TENM3: variants seen among roughly 807,000 people sequenced by gnomAD.
TENM3 encodes the protein teneurin transmembrane protein 3, also known as teneurin-3.
TENM3 carries 63 observed loss-of-function variants against 255.1 expected under a neutral mutation model. The observed-to-expected ratio is 0.25, with a 90% CI of 0.20 to 0.30. TENM3 has a LOEUF of 0.30. Among genes scored for constraint, TENM3 ranks in the 10% least tolerant of loss-of-function variants. TENM3 has a pLI of 1.00. For synonymous variants in TENM3, 1,306 were observed against 1,322.3 expected (o/e 0.99, Z 0.27); for missense variants, 2,929 against 3,461.1 (o/e 0.85, Z 3.86).
At chr4:182,242,619 G>T (rs574996086), upstream of TENM3, among the ~76,000 whole-genome samples, 1 of 152,040 alleles carries the variant, frequency 6.6e-6, no homozygotes, top group South Asian at 2.1e-4. Flanking sequence ...AAATTAACCC[G>T]ATGTGGTGGC....
chr4:182,427,577 A>G (rs1442555184), intron 3 of TENM3, among the ~76,000 whole-genome samples: 2 of 152,210 alleles, frequency 1.3e-5, no homozygotes, highest in Admixed American at 1.3e-4. Context: ...AAGAGATAAT[A>G]TATGTTCCCA....
At chr4:181,958,437 C>G in the TENM3 span, among the ~76,000 whole-genome samples, 209 of 152,168 alleles carry the variant, frequency 1.4e-3, no homozygotes, top group African/African-American at 4.8e-3. Context: ...TGCAAATATC[C>G]TAAATTAGGA....
At chr4:182,176,273 A>G in intron 1 of TENM3, among the ~76,000 whole-genome samples, 1 of 152,216 alleles carries the variant, frequency 6.6e-6, no homozygotes, top group East Asian at 1.9e-4. Context: ...CGTGGGCTTC[A>G]AAATGAACTA....
chr4:181,605,539 AAAGAAAGAAAGAAAGAAAGAAAG>A, the TENM3 span, among the ~76,000 whole-genome samples: 1 of 24,384 alleles, frequency 4.1e-5, no homozygotes. Context: ...AGAAAGAAAG[AAAGAAAGAAAGAAAGAAAGAAAG>A]AAAGAAAGAG....
intron 3 of TENM3, among the ~76,000 whole-genome samples, chr4:182,443,128 C>T (rs532231766): frequency 6.6e-6 from 1 of 152,136 alleles, no homozygotes; most frequent in Non-Finnish European, 1.5e-5. Flanking sequence ...ATTCAATCAT[C>T]TTTATTTATC....
the TENM3 span, among the ~76,000 whole-genome samples, chr4:181,772,779 C>A: frequency 6.6e-6 from 1 of 152,118 alleles, no homozygotes; most frequent in African/African-American, 2.4e-5. Context: ...GGTTGTTTTT[C>A]AAGATGGGCA....
intron 1 of TENM3, among the ~76,000 whole-genome samples, chr4:182,281,642 A>G (rs1013446915): frequency 1.3e-5 from 2 of 152,146 alleles, no homozygotes; most frequent in African/African-American, 4.8e-5. Flanking sequence ...GGCACACACT[A>G]CCACATCTGG....
chr4:181,923,213 T>C, the TENM3 span, among the ~76,000 whole-genome samples: 1 of 152,132 alleles, frequency 6.6e-6, no homozygotes, highest in African/African-American at 2.4e-5. Context: ...TATATTCTGT[T>C]GATTTGGGGT....
At chr4:182,107,708 T>C in the TENM3 span, among the ~76,000 whole-genome samples, 2 of 152,168 alleles carry the variant, frequency 1.3e-5, no homozygotes, top group African/African-American at 4.8e-5. Context: ...TTCCTGTTAA[T>C]CACATTTCTG....
At chr4:181,776,972 T>C in the TENM3 span, among the ~76,000 whole-genome samples, 3 of 152,140 alleles carry the variant, frequency 2.0e-5, no homozygotes, top group Non-Finnish European at 2.9e-5. Flanking sequence ...TTTTTGTCTA[T>C]GCTTTTGAAG....
chr4:182,275,669 G>T (rs2150240808), intron 1 of TENM3, among the ~76,000 whole-genome samples: 1 of 152,246 alleles, frequency 6.6e-6, no homozygotes, highest in East Asian at 1.9e-4. Context: ...AGGTGTGGTG[G>T]CTCACACCTG....
chr4:182,262,980 CTT>C (rs1311298925), intron 1 of TENM3, among the ~76,000 whole-genome samples: 2 of 152,110 alleles, frequency 1.3e-5, no homozygotes, highest in African/African-American at 2.4e-5. Context: ...CCCTCCTTTA[CTT>C]TCTTAATAAA....
intron 1 of TENM3, among the ~76,000 whole-genome samples, chr4:182,323,550 G>A (rs926392235): frequency 6.6e-6 from 1 of 152,026 alleles, no homozygotes; most frequent in Non-Finnish European, 1.5e-5. Context: ...AAATGAAAGG[G>A]AATTTATTTT....
At chr4:182,001,188 G>T in the TENM3 span, among the ~76,000 whole-genome samples, 1 of 151,508 alleles carries the variant, frequency 6.6e-6, no homozygotes, top group South Asian at 2.1e-4. Flanking sequence ...TCAGCATTAG[G>T]TAGTTCAAAT....
intron 11 of TENM3, among the ~76,000 whole-genome samples, chr4:182,684,413 G>C (rs1756407796): frequency 9.7e-6 from 1 of 102,638 alleles, no homozygotes; most frequent in Non-Finnish European, 1.9e-5. Flanking sequence ...AACTGCCTGG[G>C]TTCAAATTTT....
chr4:181,963,736 T>C, the TENM3 span, among the ~76,000 whole-genome samples: 1 of 152,184 alleles, frequency 6.6e-6, no homozygotes, highest in Non-Finnish European at 1.5e-5. Context: ...AACGCAAAGA[T>C]GAAAGGCTTG....
At chr4:182,343,420 T>C (rs1427183909) in intron 2 of TENM3, among the ~76,000 whole-genome samples, 1 of 152,186 alleles carries the variant, frequency 6.6e-6, no homozygotes, top group Non-Finnish European at 1.5e-5. Context: ...ATTAAAGCAA[T>C]GTTAGAACTA....
intron 3 of TENM3, among the ~76,000 whole-genome samples, chr4:182,465,902 G>A (rs551140056): frequency 4.6e-5 from 7 of 152,030 alleles, no homozygotes; most frequent in Admixed American, 2.0e-4. Context: ...TATTGAGAAT[G>A]TTTTCTTCTA....
intron 3 of TENM3, among the ~76,000 whole-genome samples, chr4:182,407,661 G>A (rs953444100): frequency 6.6e-6 from 1 of 152,068 alleles, no homozygotes; most frequent in Non-Finnish European, 1.5e-5. Flanking sequence ...CTTGGGGCCC[G>A]AACATATTAA....
Sources: allele counts gnomAD v4.1 joint callset (sites outside exome capture counted in the v4.1 genomes callset), GRCh38; gene constraint gnomAD v4.1.1; transcripts MANE v1.5; gene names NCBI Gene and HGNC (gene_info 2026-07-23, HGNC 2026-07-21).